ADCYAP1R1: variants seen among roughly 807,000 people sequenced by gnomAD.
ADCYAP1R1 encodes the protein ADCYAP receptor type I.
ADCYAP1R1 carries 44 observed loss-of-function variants against 67.6 expected under a neutral mutation model. The observed-to-expected ratio is 0.65, with a 90% CI of 0.51 to 0.84. The LOEUF is 0.84. Ranked by LOEUF, ADCYAP1R1 falls within the 40% of genes least tolerant of loss-of-function variation. The pLI, the probability that ADCYAP1R1 is intolerant of heterozygous loss-of-function variation, is 0.00. For synonymous variants in ADCYAP1R1, 222 were observed against 219.6 expected (o/e 1.01, Z -0.10); for missense variants, 477 against 587.9 (o/e 0.81, Z 1.95).
At chr7:31,096,632 G>A (rs990141040) in intron 13 of ADCYAP1R1, among the ~76,000 whole-genome samples, 4 of 152,202 alleles carry the variant, frequency 2.6e-5, no homozygotes, top group Admixed American at 6.5e-5. Context: ...CCTCCAGACC[G>A]GCTGGGAGTA....
intron 8 of ADCYAP1R1, 50 bp downstream of exon 8, chr7:31,084,884 C>T (rs2128630219): frequency 3.9e-6 from 6 of 1,541,722 alleles, no homozygotes; most frequent in South Asian, 1.1e-5. Flanking sequence ...GCCAGGGCCT[C>T]AGAGGCCTTG....
In ADCYAP1R1 at chr7:31,107,549, C is replaced by G. The variant is rs1362980975; in HGVS notation, c.*865C>G. ...CTGGTCATCTCCCTTCCACCTCTTC[C>G]ACCCTCATGGATGCCTTCCAGAAGC... On this transcript the variant is annotated 3_prime_UTR_variant, in exon 16 of 16. Coordinates refer to ENST00000304166, the MANE Select transcript of ADCYAP1R1 (RefSeq NM_001118.5). 1 of 152,314 alleles carries G rather than the reference C, an allele frequency of 6.6e-6. No individual in the cohort carries two copies. The highest frequency in any genetic ancestry group is 1.9e-4 in the East Asian group (1 of 5,196). The allele number at this position is 152,314 out of a possible 1,614,324, so 9.4% of individuals were successfully genotyped here. A position where few individuals can be genotyped will look rare whatever the true frequency, so the allele number is the denominator to read the frequency against.
At chr7:31,084,896 T>G in intron 8 of ADCYAP1R1, 62 bp downstream of exon 8, 2 of 1,425,218 alleles carry the variant, frequency 1.4e-6, no homozygotes, top group Non-Finnish European at 9.9e-7. Context: ...GAGGCCTTGG[T>G]GCATCTCTCC....
chr7:31,075,476 A>G (rs1304487551), intron 3 of ADCYAP1R1, among the ~76,000 whole-genome samples: 1 of 151,550 alleles, frequency 6.6e-6, no homozygotes, highest in East Asian at 1.9e-4. Context: ...CTGCCTCCCC[A>G]CCATCCTCTG....
intron 4 of ADCYAP1R1, among the ~76,000 whole-genome samples, chr7:31,079,671 G>C (rs1342223429): frequency 6.6e-6 from 1 of 152,178 alleles, no homozygotes; most frequent in Non-Finnish European, 1.5e-5. Flanking sequence ...GCCTGTGTTG[G>C]GGGTCCCAGG....
At chr7:31,053,172 C>A (rs1794095144) in intron 1 of ADCYAP1R1, among the ~76,000 whole-genome samples, 1 of 149,680 alleles carries the variant, frequency 6.7e-6, no homozygotes, top group Admixed American at 6.7e-5. Flanking sequence ...GAGGGGTGGG[C>A]AAGCAATGTG....
intron 7 of ADCYAP1R1, 38 bp downstream of exon 7, chr7:31,084,288 G>T (rs374444722): frequency 3.2e-6 from 5 of 1,578,098 alleles, no homozygotes; most frequent in Non-Finnish European, 4.4e-6. Flanking sequence ...GGTGGTGAGG[G>T]TAGGGCTGAG....
At chr7:31,099,994 C>G in intron 13 of ADCYAP1R1, 1 of 823,552 alleles carries the variant, frequency 1.2e-6, no homozygotes, top group Non-Finnish European at 2.0e-6. Flanking sequence ...GCCCTTGGCT[C>G]CCTCATTCTC....
At chr7:31,071,403 C>A (rs1461263988) in intron 3 of ADCYAP1R1, among the ~76,000 whole-genome samples, 3 of 152,132 alleles carry the variant, frequency 2.0e-5, no homozygotes, top group East Asian at 3.9e-4. Context: ...TCCCCATGTC[C>A]CCCAGTGGGG....
At chr7:31,078,693 A>G (rs976433909) in intron 4 of ADCYAP1R1, among the ~76,000 whole-genome samples, 2 of 152,074 alleles carry the variant, frequency 1.3e-5, no homozygotes, top group Non-Finnish European at 2.9e-5. Context: ...GCTGGCGCAC[A>G]CTCACGTTTG....
chr7:31,066,606 TAAACCTGGCTGCACA>T (rs1794748826), intron 3 of ADCYAP1R1, among the ~76,000 whole-genome samples: 1 of 152,172 alleles, frequency 6.6e-6, no homozygotes, highest in African/African-American at 2.4e-5. Flanking sequence ...CCTTGCTTCT[TAAACCTGGCTGCACA>T]TCTGAATCAC....
At position 31,086,055 on chromosome 7, in the gene ADCYAP1R1, AG is replaced by A. The variant is rs891975396; in HGVS notation, c.670-326del. 1.2e-4 allele frequency among the ~76,000 whole-genome samples: 18 copies of A among 152,328 alleles called. No homozygotes were observed. The highest frequency in any genetic ancestry group is 3.8e-4 in the African/African-American group (16 of 41,570). On this transcript the variant is annotated intron_variant, in intron 9 of 15. Coordinates refer to ENST00000304166, the MANE Select transcript of ADCYAP1R1 (RefSeq NM_001118.5). The surrounding 1 kb of genome is among the most constrained non-coding windows in gnomAD (Gnocchi z 5.0). Reference sequence around the variant, plus strand: ...CTCATTATACCAAGGAGCCTCCTGCAGGGTCCTCTGGCTGCTTCTCTCCCTA... The same window carrying A: ...CTCATTATACCAAGGAGCCTCCTGCAGGTCCTCTGGCTGCTTCTCTCCCTA...
chr7:31,071,468 C>A (rs1415328597), intron 3 of ADCYAP1R1, among the ~76,000 whole-genome samples: 1 of 152,090 alleles, frequency 6.6e-6, no homozygotes, highest in Non-Finnish European at 1.5e-5. Flanking sequence ...GTGGAGAGGT[C>A]TCACAGAGAA....
intron 8 of ADCYAP1R1, 92 bp downstream of exon 8, chr7:31,084,926 C>A: frequency 8.5e-7 from 1 of 1,181,572 alleles, no homozygotes; most frequent in Non-Finnish European, 1.3e-6. Flanking sequence ...TTGATGTCAG[C>A]CCTAGAAGAC....
At chr7:31,091,644 T>C (rs1475066617) in intron 12 of ADCYAP1R1, among the ~76,000 whole-genome samples, 2 of 152,144 alleles carry the variant, frequency 1.3e-5, no homozygotes, top group Non-Finnish European at 2.9e-5. Context: ...GAACCAGCAA[T>C]CCCAGCATCA....
intron 1 of ADCYAP1R1, among the ~76,000 whole-genome samples, chr7:31,053,734 C>G (rs1479311080): frequency 6.6e-6 from 1 of 152,250 alleles, no homozygotes; most frequent in African/African-American, 2.4e-5. Context: ...CAAAGCCCCC[C>G]TGGCCCTCTC....
chr7:31,070,781 TG>T (rs1340055094), intron 3 of ADCYAP1R1, among the ~76,000 whole-genome samples: 1 of 152,240 alleles, frequency 6.6e-6, no homozygotes, highest in African/African-American at 2.4e-5. Flanking sequence ...CACAGATTGC[TG>T]GGCCCACCTC....
At position 31,086,889 on chromosome 7, in the gene ADCYAP1R1, A is replaced by G. The variant is rs1431533173; in HGVS notation, c.824-54A>G. On this transcript the variant is annotated intron_variant, in intron 10 of 15. Transcript: ENST00000304166. This position sits in a 1 kb window ranked among gnomAD's most constrained non-coding sequence, Gnocchi z 5.0. ...TCGGAGCCCCAGGTCTACGGTGGAC[A>G]TTGGACATGTTGGTTTTCCTGTTCT... is the stretch of plus-strand genomic sequence containing the variant. 2 of 1,578,114 alleles carry G rather than the reference A, an allele frequency of 1.3e-6. No individual in the cohort carries two copies. Among genetic ancestry groups the G allele is most frequent in the East Asian group, 2.2e-5 (1 of 44,716 alleles).
chr7:31,087,208 A>G (rs1795785985), intron 11 of ADCYAP1R1, among the ~76,000 whole-genome samples: 1 of 152,202 alleles, frequency 6.6e-6, no homozygotes, highest in African/African-American at 2.4e-5. Flanking sequence ...CAACCCAGCA[A>G]GAGAATGTGC....
Sources: allele counts gnomAD v4.1 joint callset (sites outside exome capture counted in the v4.1 genomes callset), GRCh38; gene constraint gnomAD v4.1.1; non-coding constraint Gnocchi (gnomAD v3.1); transcripts MANE v1.5; gene names NCBI Gene and HGNC (gene_info 2026-07-23, HGNC 2026-07-21).